Variants in NEBL observed in about 807,000 individuals in gnomAD.
The protein encoded by NEBL is LIM and SH3 protein 2.
A neutral mutation model predicts 140.2 loss-of-function variants in NEBL; 122 were observed. That is an observed-to-expected ratio of 0.87 (90% CI 0.75 to 1.01). The LOEUF (loss-of-function observed/expected upper bound fraction) is 1.01, where lower values mean the gene tolerates loss of function less well. Among genes scored for constraint, NEBL ranks in the 50% least tolerant of loss-of-function variants. The pLI, the probability that NEBL is intolerant of heterozygous loss-of-function variation, is 0.00. For synonymous variants in NEBL, 436 were observed against 398.9 expected, an observed-to-expected ratio of 1.09 and a Z score of -1.11; for missense variants, 1,365 against 1,231.3, an observed-to-expected ratio of 1.11 and a Z score of -1.62.
chr10:21,283,296 A>T (rs1014345281), intron 1 of NEBL, among the ~76,000 whole-genome samples: 3 of 152,212 alleles, frequency 2.0e-5, no homozygotes, highest in African/African-American at 7.2e-5. Flanking sequence ...AAGTTACCCT[A>T]TATGGTCTAA....
In NEBL at chr10:20,812,326, T is replaced by TA. The variant is rs201266355; in HGVS notation, c.2518+442_2518+443insT. ...CTTAACAAGGAGGAACATTCTTTTT[T>TA]TTATTATTATTATACTTGAAGTTCT... is the stretch of plus-strand genomic sequence containing the variant. On this transcript the variant is annotated intron_variant, in intron 24 of 27. Transcript: ENST00000377122. Among the ~76,000 whole-genome samples, 543 of 152,128 alleles carry TA rather than the reference T, an allele frequency of 3.6e-3. 17 individuals are homozygous for TA. The East Asian group carries it at 0.091, about 26-fold the overall frequency.
intron 4 of NEBL, among the ~76,000 whole-genome samples, chr10:20,886,001 A>G (rs1213360864): frequency 6.6e-6 from 1 of 152,210 alleles, no homozygotes. Context: ...TCTGCAAAGA[A>G]TAACTATGCT....
chr10:21,014,775 A>G (rs1056332894), intron 3 of NEBL, among the ~76,000 whole-genome samples: 1 of 152,228 alleles, frequency 6.6e-6, no homozygotes. Flanking sequence ...AAAGGTTTAT[A>G]CTAAACACGT....
At chr10:21,176,527 T>C (rs1056093827), upstream of NEBL, among the ~76,000 whole-genome samples, 7 of 152,222 alleles carry the variant, frequency 4.6e-5, no homozygotes, top group African/African-American at 1.7e-4. Context: ...AGAATTTTAA[T>C]ACCATCTGTC....
Position 20,783,672 on chromosome 10 carries a change from G to A in NEBL, c.*2075C>T, listed in dbSNP as rs7913231. 0.09 allele frequency: 13,758 copies of A among 152,532 alleles called. 1,254 individuals carry two copies. The highest frequency in any genetic ancestry group is 0.22 in the African/African-American group (9,233 of 41,472). The allele number at this position is 152,532 out of a possible 1,614,324, so 9.4% of individuals were successfully genotyped here. Reference sequence around the variant, plus strand: ...TTTCTTATAATCACAAAAGAAAATGGCCTGCCTGGGTGAAATGTAAATATA... The same window carrying A: ...TTTCTTATAATCACAAAAGAAAATGACCTGCCTGGGTGAAATGTAAATATA... On this transcript the variant is annotated 3_prime_UTR_variant, in exon 28 of 28. Coordinates refer to ENST00000377122, the MANE Select transcript of NEBL (RefSeq NM_006393.3).
At chr10:20,897,585 T>C, upstream of NEBL, 1 of 1,035,628 alleles carries the variant, frequency 9.7e-7, no homozygotes, top group East Asian at 8.5e-5. Flanking sequence ...GGAAAACTAC[T>C]CAGCTCTAAC....
chr10:20,921,248 T>TCA (rs1833564162), intron 4 of NEBL, among the ~76,000 whole-genome samples: 2 of 152,024 alleles, frequency 1.3e-5, no homozygotes, highest in South Asian at 2.1e-4. Context: ...AAGGACAAAT[T>TCA]CACACACACA....
intron 4 of NEBL, among the ~76,000 whole-genome samples, chr10:20,926,169 T>C (rs996767838): frequency 6.6e-6 from 1 of 152,332 alleles, no homozygotes; most frequent in South Asian, 2.1e-4. Flanking sequence ...TCTTTTGCTA[T>C]GTTACAGGCA....
chr10:20,869,743 G>C lies in NEBL; in HGVS notation c.579C>G (p.Ser193Arg). 6.2e-7 allele frequency: 1 copy of C among 1,601,132 alleles called. No individual in the cohort carries two copies. ...KMATQISKII[S>R]NAEYKKGQGI... ...AAGGTTTAGAAAGAGAAGTTACATT[G>C]CTTATGATCTTAGAGATCTGGGTTG... The change falls in exon 6 of 28, where the codon AGC (serine) becomes AGG (arginine). Residue 193 changes from serine (S) to arginine (R), a missense_variant. By Grantham distance (110) the Ser-to-Arg change is moderately radical. Coordinates refer to ENST00000377122, the MANE Select transcript of NEBL (RefSeq NM_006393.3).
chr10:21,204,258 G>T (rs1841789895), intron 3 of NEBL, among the ~76,000 whole-genome samples: 1 of 152,072 alleles, frequency 6.6e-6, no homozygotes, highest in Non-Finnish European at 1.5e-5. Context: ...TTCTGTTATG[G>T]ACTGAACATA....
chr10:21,250,740 G>C (rs555973661), intron 2 of NEBL, among the ~76,000 whole-genome samples: 4 of 151,748 alleles, frequency 2.6e-5, no homozygotes, highest in African/African-American at 9.7e-5. Flanking sequence ...GTGAAACCCC[G>C]TCTCTACTAA....
At chr10:21,017,068 G>A (rs1284357480) in intron 3 of NEBL, among the ~76,000 whole-genome samples, 3 of 152,170 alleles carry the variant, frequency 2.0e-5, no homozygotes, top group Non-Finnish European at 4.4e-5. Context: ...TGAAAAGTGT[G>A]GACATCGAGG....
At chr10:21,243,945 G>A (rs1314039499) in intron 3 of NEBL, among the ~76,000 whole-genome samples, 13 of 151,544 alleles carry the variant, frequency 8.6e-5, no homozygotes, top group African/African-American at 3.2e-4. Flanking sequence ...GAAAGGGAAG[G>A]GGAAGGGGAA....
intron 1 of NEBL, among the ~76,000 whole-genome samples, chr10:21,264,649 T>C (rs1359402352): frequency 6.8e-6 from 1 of 146,984 alleles, no homozygotes; most frequent in African/African-American, 2.5e-5. Flanking sequence ...GTATACTTTC[T>C]GTTGCTCTGG....
In NEBL at chr10:21,194,910, C is replaced by G. The variant is rs556767104; in HGVS notation, n.349-22433G>C. 7.3e-5 allele frequency among the ~76,000 whole-genome samples: 11 copies of G among 151,238 alleles called. No individual in the cohort carries two copies. The South Asian group carries it at 2.1e-3, about 29-fold the overall frequency. ...CACTTCAGGGAAATCAGAAAGGAAG[C>G]TAATGATGTAGATCAAGGGAAAAAT... On this transcript the variant is annotated intron_variant and non_coding_transcript_variant, in intron 3 of 8. Coordinates refer to the NEBL transcript ENST00000675702.
chr10:21,181,282 C>T (rs993154780), intron 3 of NEBL, among the ~76,000 whole-genome samples: 2 of 150,646 alleles, frequency 1.3e-5, no homozygotes, highest in African/African-American at 4.9e-5. Context: ...AAAAAATTAT[C>T]CAAAGTGAAT....
At chr10:21,028,479 AAC>A (rs1391982969) in intron 2 of NEBL, among the ~76,000 whole-genome samples, 1 of 152,116 alleles carries the variant, frequency 6.6e-6, no homozygotes, top group Non-Finnish European at 1.5e-5. Context: ...CACACACACA[AAC>A]ACACATTGTG....
intron 3 of NEBL, among the ~76,000 whole-genome samples, chr10:21,197,030 T>C (rs1050768287): frequency 1.3e-5 from 2 of 152,252 alleles, no homozygotes; most frequent in Non-Finnish European, 1.5e-5. Context: ...GATCTCATAG[T>C]TACAAACTAA....
chr10:21,249,093 ATCATAGT>A (rs1380756822), intron 2 of NEBL, among the ~76,000 whole-genome samples: 2 of 152,018 alleles, frequency 1.3e-5, no homozygotes, highest in Non-Finnish European at 2.9e-5. Flanking sequence ...CAGTGGCATG[ATCATAGT>A]TCACTCCAGC....
Sources: gnomAD v4.1 joint callset for allele counts (sites outside exome capture counted in the v4.1 genomes callset) on GRCh38, gnomAD v4.1.1 for gene constraint, MANE v1.5 for transcripts, NCBI Gene and HGNC (gene_info 2026-07-23, HGNC 2026-07-21) for gene names.